Variants in ARHGAP29 observed in about 807,000 individuals in gnomAD.
ARHGAP29 encodes rho GTPase-activating protein 29.
In ARHGAP29, 43 loss-of-function variants were observed where a neutral mutation model predicts 122.6. That is an observed-to-expected ratio of 0.35 (90% CI 0.27 to 0.45). ARHGAP29 has a LOEUF of 0.45. ARHGAP29 is among the 20% of genes least tolerant of loss of function. ARHGAP29 has a pLI of 1.00. For missense variants in ARHGAP29, 1,303 were observed against 1,477.2 expected (o/e 0.88, Z 1.93); for synonymous variants, 506 against 497.1 (o/e 1.02, Z -0.24).
the ARHGAP29 span, among the ~76,000 whole-genome samples, chr1:94,284,850 T>C: frequency 6.6e-6 from 1 of 152,322 alleles, no homozygotes; most frequent in Middle Eastern, 3.4e-3. Context: ...GATAGTGGCA[T>C]AGAGTAGGCA....
chr1:94,174,803 T>C (rs1178989216), intron 22 of ARHGAP29, 54 bp from the exon 23 acceptor site: 1 of 1,553,676 alleles, frequency 6.4e-7, no homozygotes, highest in Non-Finnish European at 8.7e-7. Flanking sequence ...ATAAGAGAGT[T>C]TGAATGAGTT....
At chr1:94,292,410 G>T in the ARHGAP29 span, among the ~76,000 whole-genome samples, 1 of 152,154 alleles carries the variant, frequency 6.6e-6, no homozygotes, top group Non-Finnish European at 1.5e-5. Context: ...TGGTCCTTTA[G>T]CTCGGAGAAG....
At chr1:94,206,394 G>A (rs891058334) in intron 5 of ARHGAP29, among the ~76,000 whole-genome samples, 2 of 152,108 alleles carry the variant, frequency 1.3e-5, no homozygotes, top group Non-Finnish European at 2.9e-5. Context: ...GGTATACAGG[G>A]ATTCAATGCA....
chr1:94,230,376 G>T (rs952083173), intron 2 of ARHGAP29, among the ~76,000 whole-genome samples: 9 of 151,628 alleles, frequency 5.9e-5, no homozygotes, highest in Non-Finnish European at 1.0e-4. Flanking sequence ...TTTCTAATAT[G>T]TATACATTCT....
intron 3 of ARHGAP29, among the ~76,000 whole-genome samples, chr1:94,216,045 T>C (rs901627092): frequency 6.6e-6 from 1 of 152,182 alleles, no homozygotes; most frequent in African/African-American, 2.4e-5. Context: ...CCAGTTCTGT[T>C]GGCAAAGGTG....
At chr1:94,236,571 G>A (rs1034507926) in intron 1 of ARHGAP29, among the ~76,000 whole-genome samples, 1 of 152,124 alleles carries the variant, frequency 6.6e-6, no homozygotes, top group Admixed American at 6.5e-5. Flanking sequence ...AACATTTGGG[G>A]CCAATACCCT....
At chr1:94,238,373 C>G (rs1465928782), upstream of ARHGAP29, among the ~76,000 whole-genome samples, 1 of 151,832 alleles carries the variant, frequency 6.6e-6, no homozygotes, top group African/African-American at 2.4e-5. Context: ...CCGGTCCTTT[C>G]TTTCTTAGCT....
At chr1:94,238,755 A>G (rs1653455891), upstream of ARHGAP29, among the ~76,000 whole-genome samples, 1 of 152,194 alleles carries the variant, frequency 6.6e-6, no homozygotes, top group African/African-American at 2.4e-5. Context: ...AATAAGGAAG[A>G]AAAATAAAAG....
In ARHGAP29 at chr1:94,201,768, T is replaced by A; in HGVS notation, c.1233A>T (p.Leu411Phe). The A allele has an allele frequency of 6.2e-7, 1 of 1,613,986 alleles. No individual in the cohort carries two copies. ...GGAAAACAAGTGTCCGGAGTTGTGC[T>A]AAAATTTCTCTTTTGGTATTTTCTA... The part of the protein sequence containing the change: ...NDLENTKREI[L>F]AQLRTLVFQC... The change falls in exon 12 of 23, where the codon TTA (leucine) becomes TTT (phenylalanine). Residue 411 changes from leucine (L) to phenylalanine (F), a missense_variant. Leu to Phe is a conservative substitution (Grantham distance 22). This residue lies in a region of ARHGAP29 where 592 missense variants were observed against 648.2 expected (regional missense o/e 0.91). Coordinates refer to ENST00000260526, the MANE Select transcript of ARHGAP29 (RefSeq NM_004815.4).
At chr1:94,308,774 G>A in the ARHGAP29 span, among the ~76,000 whole-genome samples, 480 of 152,254 alleles carry the variant, frequency 3.2e-3, no homozygotes, top group Non-Finnish European at 5.1e-3. Context: ...GAGGCTCTGT[G>A]GTGTCCACTT....
intron 19 of ARHGAP29, among the ~76,000 whole-genome samples, chr1:94,181,077 G>A (rs1178044962): frequency 6.6e-6 from 1 of 152,144 alleles, no homozygotes; most frequent in Non-Finnish European, 1.5e-5. Flanking sequence ...TAAGCCCACA[G>A]GACTGAGAGA....
chr1:94,192,951 CA>C (rs1168508813), intron 12 of ARHGAP29: 1 of 151,914 alleles, frequency 6.6e-6, no homozygotes, highest in African/African-American at 2.4e-5. Context: ...ACTCGCAAGA[CA>C]AAAGACAATA....
rs904107662 is a variant in ARHGAP29 at position 94,169,811 on chromosome 1, GA to G, written c.*4057del. On this transcript the variant is annotated 3_prime_UTR_variant, in exon 23 of 23. Transcript: ENST00000260526. ...TGAGCTCGTAAAAAAAATAAGAGGG[GA>G]AAAAGCAATGAGGCATCTCTAAGGA... Among the ~76,000 whole-genome samples the G allele has an allele frequency of 1.3e-5, 2 of 152,018 alleles. No individual in the cohort carries two copies. Among genetic ancestry groups the G allele is most frequent in the African/African-American group, 4.8e-5 (2 of 41,382 alleles).
At position 94,185,249 on chromosome 1, in the gene ARHGAP29, T is replaced by C. The variant is rs138751793; in HGVS notation, c.1920+93A>G. On this transcript the variant is annotated intron_variant, in intron 17 of 22. Transcript: ENST00000260526. Reference sequence around the variant, plus strand: ...ACTGTAGTACAATTTATTAAACATATATTTGCAAAAGATCCTAAAAAGTAA... The same window carrying C: ...ACTGTAGTACAATTTATTAAACATACATTTGCAAAAGATCCTAAAAAGTAA... The C allele has an allele frequency of 8.6e-4, 1,172 of 1,369,940 alleles. 8 individuals carry two copies. In the African/African-American group the frequency reaches 0.016, roughly 18 times the overall value. The allele number at this position is 1,369,940 out of a possible 1,614,324, so 84.9% of individuals were successfully genotyped here. A position where few individuals can be genotyped will look rare whatever the true frequency, so the allele number is the denominator to read the frequency against.
chr1:94,306,706 G>A, the ARHGAP29 span, among the ~76,000 whole-genome samples: 3 of 152,086 alleles, frequency 2.0e-5, no homozygotes, highest in Admixed American at 6.5e-5. Context: ...CTGCCAAATG[G>A]ATATGCACCA....
At chr1:94,217,125 T>C (rs1651994151) in intron 3 of ARHGAP29, among the ~76,000 whole-genome samples, 1 of 152,240 alleles carries the variant, frequency 6.6e-6, no homozygotes, top group Non-Finnish European at 1.5e-5. Context: ...AAAGTTATTC[T>C]GTATTTTTTT....
intron 1 of ARHGAP29, among the ~76,000 whole-genome samples, chr1:94,244,741 T>C (rs1218719113): frequency 6.6e-6 from 1 of 152,142 alleles, no homozygotes; most frequent in African/African-American, 2.4e-5. Context: ...ATAATCAATT[T>C]TATTTCTATA....
the ARHGAP29 span, among the ~76,000 whole-genome samples, chr1:94,284,415 G>A: frequency 5.9e-5 from 9 of 152,190 alleles, no homozygotes; most frequent in Non-Finnish European, 2.9e-5. Flanking sequence ...GAACAGGTTA[G>A]ATCACATAGT....
At chr1:94,290,997 G>A in the ARHGAP29 span, among the ~76,000 whole-genome samples, 1 of 151,850 alleles carries the variant, frequency 6.6e-6, no homozygotes, top group Non-Finnish European at 1.5e-5. Flanking sequence ...CTGTCTCGTT[G>A]ATCTAATATT....
Sources: gnomAD v4.1 joint callset for allele counts (sites outside exome capture counted in the v4.1 genomes callset) on GRCh38, gnomAD v4.1.1 for gene constraint, gnomAD v4.1.1 regional missense constraint, MANE v1.5 for transcripts, NCBI Gene and HGNC (gene_info 2026-07-23, HGNC 2026-07-21) for gene names.